The following SHROOM4 variants were observed in gnomAD, a reference collection of about 807,000 sequenced individuals.
SHROOM4 encodes the protein shroom family member 4, also known as protein Shroom4.
In SHROOM4, 17 loss-of-function variants were observed where a neutral mutation model predicts 80.3. The ratio of observed to expected loss-of-function variants is 0.21; its 90% CI spans 0.14 to 0.32. The LOEUF is 0.32. Ranked by LOEUF, SHROOM4 falls within the 10% of genes least tolerant of loss-of-function variation. The pLI is 1.00. For synonymous variants in SHROOM4, 400 were observed against 437.5 expected, an observed-to-expected ratio of 0.91 and a Z score of 1.07; for missense variants, 993 against 1,140.3, an observed-to-expected ratio of 0.87 and a Z score of 1.86.
At chrX:50,747,397 C>G (rs1487221841) in intron 1 of SHROOM4, among the ~76,000 whole-genome samples, 1 of 112,014 alleles carries the variant, frequency 8.9e-6, no homozygotes, top group Non-Finnish European at 1.9e-5. Context: ...CCAGAAAACC[C>G]ATGAATGAAT....
intron 5 of SHROOM4, among the ~76,000 whole-genome samples, chrX:50,613,886 C>T: frequency 8.9e-6 from 1 of 112,129 alleles, no homozygotes; most frequent in East Asian, 2.8e-4. Context: ...CCAGCCCTAC[C>T]AATTATTGAA....
At position 50,727,218 on chromosome X, in the gene SHROOM4, T is replaced by C. The variant is rs781787207; in HGVS notation, c.118-31281A>G. On this transcript the variant is annotated intron_variant, in intron 1 of 8. Coordinates refer to ENST00000376020, the MANE Select transcript of SHROOM4 (RefSeq NM_020717.5). ...AATGGGAACATTTACCCAATGCCCA[T>C]ACCCCCATTGTATCTTAAGAGTAAC... is the stretch of plus-strand genomic sequence containing the variant. Among the ~76,000 whole-genome samples, 3 of 112,972 alleles carry C rather than the reference T, an allele frequency of 2.7e-5. No homozygotes were observed. The South Asian group carries it at 1.1e-3, about 41-fold the overall frequency.
chrX:50,599,852 T>C (rs1250269919), intron 7 of SHROOM4, among the ~76,000 whole-genome samples: 5 of 111,953 alleles, frequency 4.5e-5, no homozygotes, highest in African/African-American at 1.3e-4. Flanking sequence ...TAGAACCCTA[T>C]AGTGTAACTT....
At chrX:50,655,520 T>C (rs1330758264) in intron 2 of SHROOM4, among the ~76,000 whole-genome samples, 1 of 106,957 alleles carries the variant, frequency 9.3e-6, no homozygotes, top group Non-Finnish European at 1.9e-5. Context: ...ATATTTTTTA[T>C]ATATGAAATA....
chrX:50,764,175 A>T (rs1202560938), intron 1 of SHROOM4, among the ~76,000 whole-genome samples: 1 of 111,349 alleles, frequency 9.0e-6, no homozygotes, highest in Non-Finnish European at 1.9e-5. Flanking sequence ...GAATGAAGAT[A>T]TGGTAGTAGT....
intron 2 of SHROOM4, among the ~76,000 whole-genome samples, chrX:50,653,817 T>A (rs1932206986): frequency 8.9e-6 from 1 of 112,032 alleles, no homozygotes; most frequent in Admixed American, 9.5e-5. Context: ...TCTATGGAGA[T>A]AATTATGTGG....
At chrX:50,794,904 A>G (rs1488857021) in intron 1 of SHROOM4, among the ~76,000 whole-genome samples, 17 of 87,558 alleles carry the variant, frequency 1.9e-4, no homozygotes, top group Admixed American at 7.2e-4. Context: ...ATAAATGTGT[A>G]TATATATATA....
Position 50,725,999 on chromosome X carries a change from G to A in SHROOM4, c.118-30062C>T, listed in dbSNP as rs191764073. ...TTTGACCAACATGCTGATTGATGGT[G>A]TTATGGACAATGAAGTCCACGCTGC... is the stretch of plus-strand genomic sequence containing the variant. On this transcript the variant is annotated intron_variant, in intron 1 of 8. Transcript: ENST00000376020. Among the ~76,000 whole-genome samples the A allele has an allele frequency of 8.0e-5, 9 of 112,038 alleles. No homozygotes were observed. In the East Asian group the frequency reaches 2.3e-3, roughly 28 times the overall value.
Position 50,607,687 on chromosome X carries a change from G to GCCTCCTCCTCCTCCTCTT in SHROOM4, c.3437_3454dup (p.Glu1146_Glu1151dup), listed in dbSNP as rs1569546466. 1.7e-6 allele frequency: 2 copies of GCCTCCTCCTCCTCCTCTT among 1,179,494 alleles called. No individual in the cohort carries two copies. Among genetic ancestry groups the GCCTCCTCCTCCTCCTCTT allele is most frequent in the Non-Finnish European group, 1.1e-6 (1 of 873,381 alleles). ...TGGCAGCTCCTCTTCCTCCTCCTCT[G>GCCTCCTCCTCCTCCTCTT]CCTCCTCCTCCTCCTCTTCCTCTTC... On this transcript the variant is annotated inframe_insertion, in exon 6 of 9. Coordinates refer to ENST00000376020, the MANE Select transcript of SHROOM4 (RefSeq NM_020717.5).
At chrX:50,715,206 G>T (rs1167422174) in intron 1 of SHROOM4, among the ~76,000 whole-genome samples, 1 of 110,801 alleles carries the variant, frequency 9.0e-6, no homozygotes, top group Non-Finnish European at 1.9e-5. Context: ...GGTTAGGTTA[G>T]TAAGGCCTGT....
chrX:50,605,741 C>T (rs1478901989), intron 6 of SHROOM4, among the ~76,000 whole-genome samples: 1 of 112,393 alleles, frequency 8.9e-6, no homozygotes, highest in Non-Finnish European at 1.9e-5. Flanking sequence ...TGAATGTTTG[C>T]TGTGTAACTT....
At chrX:50,780,576 C>T (rs1315677596) in intron 1 of SHROOM4, among the ~76,000 whole-genome samples, 2 of 111,631 alleles carry the variant, frequency 1.8e-5, no homozygotes, top group Non-Finnish European at 3.8e-5. Context: ...CACAAAAGCA[C>T]TATATGGGTT....
intron 5 of SHROOM4, among the ~76,000 whole-genome samples, chrX:50,609,631 T>C (rs2147236001): frequency 9.2e-6 from 1 of 109,035 alleles, no homozygotes; most frequent in African/African-American, 3.3e-5. Flanking sequence ...ATATATTATA[T>C]ACCAAAATAA....
chrX:50,618,283 CCT>C (rs1175716430), intron 5 of SHROOM4, among the ~76,000 whole-genome samples: 6 of 69 alleles, frequency 0.087, no homozygotes, highest in Non-Finnish European at 0.17. Context: ...TCTTCCCCTT[CCT>C]TCCTTCCTTC....
intron 4 of SHROOM4, among the ~76,000 whole-genome samples, chrX:50,629,053 C>G (rs1341284871): frequency 8.9e-6 from 1 of 111,978 alleles, no homozygotes; most frequent in African/African-American, 3.2e-5. Flanking sequence ...CTGTCTAGCC[C>G]TGTGGACGTG....
At chrX:50,802,881 G>C (rs1936155252) in intron 1 of SHROOM4, among the ~76,000 whole-genome samples, 2 of 111,793 alleles carry the variant, frequency 1.8e-5, no homozygotes, top group African/African-American at 3.3e-5. Flanking sequence ...TAGTCTGCAA[G>C]AATCAAGAAG....
intron 1 of SHROOM4, among the ~76,000 whole-genome samples, chrX:50,757,481 T>C (rs1935061440): frequency 8.9e-6 from 1 of 111,843 alleles, no homozygotes; most frequent in Non-Finnish European, 1.9e-5. Flanking sequence ...TTCTTGCATT[T>C]CTCTGTGTAT....
intron 1 of SHROOM4, among the ~76,000 whole-genome samples, chrX:50,716,162 C>T (rs1396966892): frequency 1.1e-5 from 1 of 87,129 alleles, no homozygotes; most frequent in Non-Finnish European, 2.1e-5. Flanking sequence ...CTATTAGAAT[C>T]AAAGGGTAGA....
chrX:50,697,265 T>C (rs1336204397), intron 1 of SHROOM4, among the ~76,000 whole-genome samples: 2 of 111,598 alleles, frequency 1.8e-5, no homozygotes, highest in South Asian at 3.8e-4. Context: ...AATTAAATTG[T>C]ATAGTCCTTA....
Sources: allele counts gnomAD v4.1 joint callset (sites outside exome capture counted in the v4.1 genomes callset), GRCh38; gene constraint gnomAD v4.1.1; transcripts MANE v1.5; gene names NCBI Gene and HGNC (gene_info 2026-07-23, HGNC 2026-07-21).